CACNA2D3: variants seen among roughly 807,000 people sequenced by gnomAD.
CACNA2D3 encodes calcium voltage-gated channel auxiliary subunit alpha2delta 3.
In CACNA2D3, 60 loss-of-function variants were observed where a neutral mutation model predicts 160.6. The observed-to-expected ratio is 0.37, with a 90% confidence interval of 0.30 to 0.46. The LOEUF is 0.46. Ranked by LOEUF, CACNA2D3 falls within the 20% of genes least tolerant of loss-of-function variation. The pLI is 1.00. For missense variants in CACNA2D3, 1,205 were observed against 1,365.0 expected, an observed-to-expected ratio of 0.88 and a Z score of 1.85; for synonymous variants, 558 against 492.9, an observed-to-expected ratio of 1.13 and a Z score of -1.75.
chr3:54,539,964 G>A (rs1701946471), intron 5 of CACNA2D3, among the ~76,000 whole-genome samples: 1 of 152,162 alleles, frequency 6.6e-6, no homozygotes, highest in South Asian at 2.1e-4. Flanking sequence ...AAAAATAGGT[G>A]AGCCTGGAAA....
chr3:54,391,010 T>C (rs28454774), intron 4 of CACNA2D3, among the ~76,000 whole-genome samples: 2 of 145,546 alleles, frequency 1.4e-5, no homozygotes, highest in Non-Finnish European at 3.0e-5. Context: ...TACTGAAAAA[T>C]AAAAAGTGAT....
intron 2 of CACNA2D3, among the ~76,000 whole-genome samples, chr3:54,162,257 C>T (rs1170233584): frequency 6.6e-6 from 1 of 152,110 alleles, no homozygotes; most frequent in Non-Finnish European, 1.5e-5. Flanking sequence ...CTCATGGATT[C>T]TGGGGTCAGG....
chr3:54,250,232 A>G (rs1702161501), intron 2 of CACNA2D3, among the ~76,000 whole-genome samples: 1 of 152,206 alleles, frequency 6.6e-6, no homozygotes, highest in African/African-American at 2.4e-5. Flanking sequence ...TGACAAACAC[A>G]GAACTATAAA....
intron 2 of CACNA2D3, among the ~76,000 whole-genome samples, chr3:54,163,098 G>A (rs1454994317): frequency 6.6e-6 from 1 of 152,200 alleles, no homozygotes; most frequent in Admixed American, 6.5e-5. Context: ...CCAGTGAGGA[G>A]GAGTGGTTGC....
chr3:55,049,932 C>T lies in CACNA2D3; in HGVS notation c.2988-23513C>T, dbSNP rs556917792. 1.2e-3 allele frequency among the ~76,000 whole-genome samples: 179 copies of T among 150,536 alleles called. 1 individual carries two copies. The highest frequency in any genetic ancestry group is 3.4e-3 in the Middle Eastern group (1 of 292). On this transcript the variant is annotated intron_variant, in intron 35 of 37. Coordinates refer to ENST00000474759, the MANE Select transcript of CACNA2D3 (RefSeq NM_018398.3). ...CAGAGACTAGGATTGCAACCCCTGC[C>T]TTTTTTTGTTTTCCATTGGCTTGTT...
chr3:54,451,969 G>A (rs909428650), intron 4 of CACNA2D3, among the ~76,000 whole-genome samples: 2 of 152,096 alleles, frequency 1.3e-5, no homozygotes, highest in African/African-American at 4.8e-5. Context: ...GCATCCTCCA[G>A]TGTCTAACAA....
chr3:55,057,650 C>G (rs375928843), intron 35 of CACNA2D3, among the ~76,000 whole-genome samples: 1 of 152,190 alleles, frequency 6.6e-6, no homozygotes, highest in South Asian at 2.1e-4. Context: ...GAACAAAACA[C>G]TTCTCATGGT....
intron 3 of CACNA2D3, among the ~76,000 whole-genome samples, chr3:54,361,009 T>C (rs1698732436): frequency 6.6e-6 from 1 of 152,072 alleles, no homozygotes; most frequent in African/African-American, 2.4e-5. Context: ...AAGAAGACCT[T>C]AAGAATGGTT....
At chr3:55,003,416 G>A (rs757813641) in intron 31 of CACNA2D3, among the ~76,000 whole-genome samples, 5 of 152,106 alleles carry the variant, frequency 3.3e-5, no homozygotes, top group Non-Finnish European at 7.3e-5. Context: ...GGGAGAGCTT[G>A]CCCCATCATC....
At chr3:54,386,174 T>G (rs74833192) in intron 3 of CACNA2D3, among the ~76,000 whole-genome samples, 7,722 of 152,302 alleles carry the variant, frequency 0.051, 287 homozygotes, top group Middle Eastern at 0.095. Context: ...GGTTGCAGAT[T>G]GTCACAGTGG....
chr3:54,986,567 C>T (rs556126451), intron 30 of CACNA2D3, among the ~76,000 whole-genome samples: 10 of 152,194 alleles, frequency 6.6e-5, no homozygotes, highest in African/African-American at 2.4e-4. Context: ...TCCTCCTTTT[C>T]TCCCCCTTTA....
At position 54,593,275 on chromosome 3, in the gene CACNA2D3, A is replaced by G. The variant is rs191631106; in HGVS notation, c.963+11398A>G. Among the ~76,000 whole-genome samples, 4 of 152,340 alleles carry G rather than the reference A, an allele frequency of 2.6e-5. 1 individual carries two copies. The highest frequency in any genetic ancestry group is 6.5e-5 in the Admixed American group (1 of 15,292). ...AATTACAAGAATAAAGTAGGTTTAT[A>G]TATATTACCACAAAAGAGTGATAAT... On this transcript the variant is annotated intron_variant, in intron 9 of 37. Coordinates refer to ENST00000474759, the MANE Select transcript of CACNA2D3 (RefSeq NM_018398.3).
intron 5 of CACNA2D3, among the ~76,000 whole-genome samples, chr3:54,550,907 A>G (rs1337446377): frequency 6.6e-6 from 1 of 152,200 alleles, no homozygotes; most frequent in Non-Finnish European, 1.5e-5. Flanking sequence ...TCTGTGTCCC[A>G]CTGGCTTCTC....
At chr3:54,640,943 A>G (rs1699504773) in intron 10 of CACNA2D3, among the ~76,000 whole-genome samples, 1 of 152,034 alleles carries the variant, frequency 6.6e-6, no homozygotes, top group African/African-American at 2.4e-5. Context: ...AACACAGTCC[A>G]TACCTGAAGG....
chr3:54,343,985 A>G (rs1396419786), intron 3 of CACNA2D3, among the ~76,000 whole-genome samples: 4 of 152,242 alleles, frequency 2.6e-5, no homozygotes, highest in Non-Finnish European at 5.9e-5. Flanking sequence ...TTGTAGGCAT[A>G]TGCTGACTTT....
At chr3:54,443,669 C>T (rs752451037) in intron 4 of CACNA2D3, among the ~76,000 whole-genome samples, 4 of 152,130 alleles carry the variant, frequency 2.6e-5, no homozygotes, top group African/African-American at 2.4e-5. Context: ...GCAGACATGC[C>T]GGTGGGGATT....
At chr3:54,393,202 C>T (rs555606100) in intron 4 of CACNA2D3, among the ~76,000 whole-genome samples, 33 of 152,224 alleles carry the variant, frequency 2.2e-4, no homozygotes, top group Non-Finnish European at 4.1e-4. Flanking sequence ...AGAAGACTGC[C>T]GGAAGCACCC....
intron 3 of CACNA2D3, among the ~76,000 whole-genome samples, chr3:54,363,534 G>A (rs1039436717): frequency 6.6e-6 from 1 of 152,060 alleles, no homozygotes; most frequent in African/African-American, 2.4e-5. Flanking sequence ...ATTTTTTCTT[G>A]CTAGGCCAAG....
At chr3:54,668,057 CTATT>C (rs771275339) in intron 11 of CACNA2D3, among the ~76,000 whole-genome samples, 3 of 151,982 alleles carry the variant, frequency 2.0e-5, no homozygotes, top group Non-Finnish European at 2.9e-5. Flanking sequence ...ATTCAGAAGG[CTATT>C]TATTATAACC....
Sources: allele counts gnomAD v4.1 joint callset (sites outside exome capture counted in the v4.1 genomes callset), GRCh38; gene constraint gnomAD v4.1.1; transcripts MANE v1.5; gene names NCBI Gene and HGNC (gene_info 2026-07-23, HGNC 2026-07-21).